Variants in RETSAT observed in about 807,000 individuals in gnomAD.
The protein encoded by RETSAT is retinol saturase, also known as all-trans-retinol 13,14-reductase.
Under a neutral mutation model 61.6 loss-of-function variants are expected in RETSAT, and 35 were observed. The observed-to-expected ratio is 0.57, with a 90% confidence interval of 0.43 to 0.75. RETSAT has a LOEUF of 0.75. RETSAT is among the 30% of genes least tolerant of loss of function. The pLI, the probability that RETSAT is intolerant of heterozygous loss-of-function variation, is 0.00. For synonymous variants in RETSAT, 277 were observed against 310.4 expected, an observed-to-expected ratio of 0.89 and a Z score of 1.13; for missense variants, 670 against 759.5, an observed-to-expected ratio of 0.88 and a Z score of 1.38.
At chr2:85,351,368 T>A in intron 2 of RETSAT, 1 of 411,130 alleles carries the variant, frequency 2.4e-6, no homozygotes, top group African/African-American at 2.0e-5. Context: ...TCTACTAAAA[T>A]ACAAAAAAAT....
chr2:85,349,504 G>A lies in RETSAT; in HGVS notation c.877C>T (p.Arg293Ter), dbSNP rs143670128. The change falls in exon 5 of 11, where the codon CGA becomes TGA. Residue 293 changes from arginine (R) to a stop codon, truncating the protein, a stop_gained. Transcript: ENST00000295802. LOFTEE classifies it high-confidence loss of function. Reference protein sequence around the residue: ...NHYMKGGFYPRGGSSEIAFHT... With the variant: ...NHYMKGGFYP Reference sequence around the variant, plus strand: ...AAGGCAATTTCACTGGAACCCCCTCGGGGATAAAAGCCTCCTTTCATGTAG... The same window carrying A: ...AAGGCAATTTCACTGGAACCCCCTCAGGGATAAAAGCCTCCTTTCATGTAG... The A allele has an allele frequency of 6.7e-4, 1,087 of 1,614,156 alleles. 1 individual carries two copies. The highest frequency in any genetic ancestry group is 8.2e-4 in the Non-Finnish European group (965 of 1,180,010).
intron 1 of RETSAT, among the ~76,000 whole-genome samples, chr2:85,353,253 C>A (rs970902293): frequency 6.6e-6 from 1 of 152,140 alleles, no homozygotes; most frequent in African/African-American, 2.4e-5. Flanking sequence ...GCCAGGAGTT[C>A]GAGAGCCTTG....
intron 7 of RETSAT, 94 bp from the exon 8 acceptor site, chr2:85,344,442 C>T (rs1683152939): frequency 6.6e-7 from 1 of 1,524,264 alleles, no homozygotes; most frequent in African/African-American, 1.4e-5. Context: ...GGACTCCCCA[C>T]AGGGGTGAAG....
chr2:85,349,749 C>A, intron 4 of RETSAT, 168 bp from the exon 5 acceptor site: 3 of 664,274 alleles, frequency 4.5e-6, no homozygotes, highest in Non-Finnish European at 7.9e-6. Context: ...ACATGGGGTA[C>A]CTTAGAGATC....
intron 4 of RETSAT, 86 bp from the exon 5 acceptor site, chr2:85,349,667 C>T (rs1242649213): frequency 1.7e-6 from 2 of 1,159,968 alleles, no homozygotes; most frequent in African/African-American, 1.5e-5. Context: ...TGAGATAACA[C>T]ACAGCCCAGT....
rs751920398 is a variant in RETSAT, at chr2:85,354,421, G to A, written c.87C>T (p.Ser29=). ...TGACATCTTCGGAGAAAGGATTCGG[G>A]GAGCTGCCAGAGAATAGTCCCAAGT... is the stretch of plus-strand genomic sequence containing the variant. ...KVYLGLFSGS[S]PNPFSEDVKR... is the part of the protein sequence containing the mutation. The change falls in exon 1 of 11, where the codon TCC becomes TCT. Residue 29 remains serine, a synonymous_variant. Coordinates refer to ENST00000295802, the MANE Select transcript of RETSAT (RefSeq NM_017750.4). 1 of 1,614,230 alleles carries A rather than the reference G, an allele frequency of 6.2e-7. No individual in the cohort carries two copies. Among genetic ancestry groups the A allele is most frequent in the East Asian group, 2.2e-5 (1 of 44,886 alleles).
At position 85,344,073 on chromosome 2, in the gene RETSAT, CAT is replaced by C. The variant is rs1558681317; in HGVS notation, c.1457_1458del (p.Tyr486Ter). On this transcript the variant is annotated frameshift_variant, in exon 9 of 11. Transcript: ENST00000295802. LOFTEE classifies it high-confidence loss of function. ...AELKGKRGSD[Y>X]ETFKNSFVEA... ...TCCACAAAGGAGTTTTTGAAGGTCTCATAGTCACTGCCCCGCTTTCCCTTCAG... is the reference window on the plus strand; with the variant it reads ...TCCACAAAGGAGTTTTTGAAGGTCTCAGTCACTGCCCCGCTTTCCCTTCAG... The C allele has an allele frequency of 2.5e-6, 4 of 1,612,006 alleles. No individual in the cohort carries two copies. The Admixed American group carries it at 5.0e-5, about 20-fold the overall frequency.
Position 85,343,727 on chromosome 2 carries a change from G to A in RETSAT, c.1605C>T (p.Tyr535=), listed in dbSNP as rs759577300. 17 of 1,613,924 alleles carry A rather than the reference G, an allele frequency of 1.1e-5. No individual in the cohort carries two copies. The Middle Eastern group carries it at 4.9e-4, about 47-fold the overall frequency. ...FYLAAPRGAC[Y]GADHDLGRLH... Reference sequence around the variant, plus strand: ...GGCGGCCCAGGTCATGGTCAGCCCCGTAGCAGGCACCTCGGGGAGCAGCCA... The same window carrying A: ...GGCGGCCCAGGTCATGGTCAGCCCCATAGCAGGCACCTCGGGGAGCAGCCA... The change falls in exon 10 of 11, where the codon TAC becomes TAT. Residue 535 remains tyrosine, a synonymous_variant. Transcript: ENST00000295802.
intron 1 of RETSAT, among the ~76,000 whole-genome samples, chr2:85,353,975 G>T (rs558239116): frequency 2.9e-4 from 44 of 152,296 alleles, no homozygotes; most frequent in African/African-American, 8.7e-4. Flanking sequence ...CCCTGAGCTC[G>T]CATGGGAGGG....
At position 85,351,839 on chromosome 2, in the gene RETSAT, C is replaced by G; in HGVS notation, c.196G>C (p.Glu66Gln). 1 of 1,614,052 alleles carries G rather than the reference C, an allele frequency of 6.2e-7. No individual in the cohort carries two copies. Among genetic ancestry groups the G allele is most frequent in the East Asian group, 2.2e-5 (1 of 44,886 alleles). The part of the protein sequence containing the change: ...KQAFSANQVP[E>Q]KLDVVVIGSG... ...CCAATTACCACCACATCCAGCTTCT[C>G]CGGCACTTGGTTGGCTGAAAAAGCT... The change falls in exon 2 of 11, where the codon GAG (glutamate) becomes CAG (glutamine). Residue 66 changes from glutamate to glutamine, a missense_variant. Transcript: ENST00000295802.
intron 1 of RETSAT, among the ~76,000 whole-genome samples, chr2:85,352,330 G>A (rs964651222): frequency 6.6e-6 from 1 of 151,868 alleles, no homozygotes; most frequent in African/African-American, 2.4e-5. Flanking sequence ...TGCAAGCTCC[G>A]CCTCCTGGGT....
In RETSAT at chr2:85,342,362, C is replaced by T. The variant is rs1160323624; in HGVS notation, c.*880G>A. On this transcript the variant is annotated 3_prime_UTR_variant, in exon 11 of 11. Transcript: ENST00000295802. ...TCCCTGCACTGTCCCCTGCTGTGCCCTTGGCTGGAATGCCCTGCAGCCTGC... is the reference window on the plus strand; with the variant it reads ...TCCCTGCACTGTCCCCTGCTGTGCCTTTGGCTGGAATGCCCTGCAGCCTGC... The T allele has an allele frequency of 6.3e-6, 1 of 157,542 alleles. No individual in the cohort carries two copies. Among genetic ancestry groups the T allele is most frequent in the African/African-American group, 2.4e-5 (1 of 41,462 alleles). The allele number at this position is 157,542 out of a possible 1,614,324, so 9.8% of individuals were successfully genotyped here.
chr2:85,350,743 G>A lies in RETSAT; in HGVS notation c.597+37C>T, dbSNP rs774885411. 5.6e-6 allele frequency: 9 copies of A among 1,612,540 alleles called. No homozygotes were observed. The East Asian group carries it at 6.7e-5, about 12-fold the overall frequency. On this transcript the variant is annotated intron_variant, in intron 3 of 10. Transcript: ENST00000295802. ...AATAATAAAGAAACCCAGCCTTATC[G>A]AGAACAAACTCTGGGTCCTCAGCAT...
rs748850391 is a variant in RETSAT, at chr2:85,344,604, T to C, written c.1246A>G (p.Met416Val). The C allele has an allele frequency of 3.7e-6, 6 of 1,614,154 alleles. No homozygotes were observed. Among genetic ancestry groups the C allele is most frequent in the Non-Finnish European group, 5.1e-6 (6 of 1,180,018 alleles). Residue 416 changes from methionine to valine, a missense_variant, in exon 7 of 11, where the codon ATG (methionine) becomes GTG (valine). Physicochemically the swap from Met to Val is conservative, Grantham distance 21. Coordinates refer to ENST00000295802, the MANE Select transcript of RETSAT (RefSeq NM_017750.4). ...ACACGTGCACCTTACGCCTGGTCCATGTCCGTGTCATAGTAAACATAGTAG... is the reference window on the plus strand; with the variant it reads ...ACACGTGCACCTTACGCCTGGTCCACGTCCGTGTCATAGTAAACATAGTAG... ...TNYYVYYDTD[M>V]DQAMERYVSM...
At position 85,351,026 on chromosome 2, in the gene RETSAT, T is replaced by C; in HGVS notation, c.356-5A>G. 6.2e-7 allele frequency: 1 copy of C among 1,613,868 alleles called. No individual in the cohort carries two copies. The highest frequency in any genetic ancestry group is 8.5e-7 in the Non-Finnish European group (1 of 1,179,908). ...TACGCCCAATGTAATGGATTCCTGTTGGGAGATGGAAAAACAAGGTAGTAA... is the reference window on the plus strand; with the variant it reads ...TACGCCCAATGTAATGGATTCCTGTCGGGAGATGGAAAAACAAGGTAGTAA... On this transcript the variant is annotated splice_polypyrimidine_tract_variant and splice_region_variant and intron_variant, in intron 2 of 10. Transcript: ENST00000295802.
At position 85,344,051 on chromosome 2, in the gene RETSAT, A is replaced by G; in HGVS notation, c.1481T>C (p.Val494Ala). 1 of 1,614,040 alleles carries G rather than the reference A, an allele frequency of 6.2e-7. No homozygotes were observed. ...CAGGACCACTGACATAGAGGCTTCCACAAAGGAGTTTTTGAAGGTCTCATA... is the reference window on the plus strand; with the variant it reads ...CAGGACCACTGACATAGAGGCTTCCGCAAAGGAGTTTTTGAAGGTCTCATA... ...SDYETFKNSF[V>A]EASMSVVLKL... is the part of the protein sequence containing the mutation. The change falls in exon 9 of 11, where the codon GTG becomes GCG. Residue 494 changes from valine (V) to alanine (A), a missense_variant. Val to Ala is a moderately conservative substitution (Grantham distance 64). Transcript: ENST00000295802.
intron 1 of RETSAT, among the ~76,000 whole-genome samples, chr2:85,353,940 G>C (rs1333920932): frequency 6.6e-6 from 1 of 152,170 alleles, no homozygotes; most frequent in Admixed American, 6.5e-5. Flanking sequence ...AATTTCCTAC[G>C]CATTTCTGTG....
chr2:85,344,449 G>A, intron 7 of RETSAT, 101 bp from the exon 8 acceptor site: 2 of 1,520,222 alleles, frequency 1.3e-6, no homozygotes, highest in Non-Finnish European at 9.0e-7. Context: ...CCACAGGGGT[G>A]AAGCTGAGCC....
intron 6 of RETSAT, 138 bp from the exon 7 acceptor site, chr2:85,344,870 TTAAC>T (rs1260755164): frequency 4.5e-6 from 4 of 897,594 alleles, no homozygotes; most frequent in Non-Finnish European, 5.0e-6. Flanking sequence ...CTTCCTTCAT[TTAAC>T]TAAATATTTT....
Sources: allele counts gnomAD v4.1 joint callset (sites outside exome capture counted in the v4.1 genomes callset), GRCh38; gene constraint gnomAD v4.1.1; transcripts MANE v1.5; gene names NCBI Gene and HGNC (gene_info 2026-07-23, HGNC 2026-07-21).